Variants in PTPRT observed in about 807,000 individuals in gnomAD.
The protein encoded by PTPRT is receptor-type tyrosine-protein phosphatase T.
PTPRT carries 56 observed loss-of-function variants against 176.8 expected under a neutral mutation model. That is an observed-to-expected ratio of 0.32 (90% confidence interval 0.26 to 0.40). The LOEUF (loss-of-function observed/expected upper bound fraction) is 0.40. Among genes scored for constraint, PTPRT ranks in the 10% least tolerant of loss-of-function variants. PTPRT has a pLI of 1.00. For synonymous variants in PTPRT, 783 were observed against 739.0 expected (o/e 1.06, Z -0.96); for missense variants, 1,540 against 1,908.2 (o/e 0.81, Z 3.60).
intron 27 of PTPRT, among the ~76,000 whole-genome samples, chr20:42,086,749 A>ATATAT (rs59068856): frequency 1.3e-5 from 1 of 75,180 alleles, no homozygotes; most frequent in African/African-American, 6.1e-5. Flanking sequence ...AAAAAAAAAA[A>ATATAT]AAAAATATAT....
chr20:42,639,773 T>G (rs1004585596), intron 7 of PTPRT, among the ~76,000 whole-genome samples: 4 of 152,260 alleles, frequency 2.6e-5, no homozygotes, highest in African/African-American at 9.6e-5. Flanking sequence ...GTATTATAAT[T>G]CAGTGTTTAC....
intron 6 of PTPRT, among the ~76,000 whole-genome samples, chr20:42,690,925 G>A (rs745905761): frequency 6.6e-6 from 1 of 152,116 alleles, no homozygotes; most frequent in Non-Finnish European, 1.5e-5. Flanking sequence ...CTACATAAAC[G>A]TGAGTTATTC....
intron 14 of PTPRT, among the ~76,000 whole-genome samples, chr20:42,237,133 G>A (rs1256440631): frequency 6.6e-6 from 1 of 152,208 alleles, no homozygotes; most frequent in African/African-American, 2.4e-5. Context: ...TATCTCAGCT[G>A]AGACCATTGA....
At chr20:42,849,566 A>C (rs1446844798) in intron 2 of PTPRT, among the ~76,000 whole-genome samples, 1 of 152,104 alleles carries the variant, frequency 6.6e-6, no homozygotes, top group Non-Finnish European at 1.5e-5. Context: ...TTCATTCTCC[A>C]AGATAGGGTG....
chr20:43,165,442 C>T (rs1191787345), intron 1 of PTPRT, among the ~76,000 whole-genome samples: 6 of 152,254 alleles, frequency 3.9e-5, no homozygotes, highest in South Asian at 2.1e-4. Context: ...GGATTACAGG[C>T]GTGAGCCACC....
the PTPRT span, among the ~76,000 whole-genome samples, chr20:42,055,877 A>G: frequency 1.3e-5 from 2 of 152,130 alleles, no homozygotes; most frequent in Admixed American, 6.5e-5. Flanking sequence ...GTAGGAGTGT[A>G]ATTTCTGGGG....
chr20:43,117,983 G>GA (rs895506868), intron 1 of PTPRT, among the ~76,000 whole-genome samples: 18 of 151,822 alleles, frequency 1.2e-4, no homozygotes, highest in African/African-American at 4.1e-4. Flanking sequence ...CTCTTTCATG[G>GA]AAAAAAAATT....
At position 42,936,486 on chromosome 20, in the gene PTPRT, T is replaced by C. The variant is rs533260075; in HGVS notation, c.89-50554A>G. 8.1e-4 allele frequency among the ~76,000 whole-genome samples: 123 copies of C among 152,296 alleles called. 1 individual carries two copies. Among genetic ancestry groups the C allele is most frequent in the Middle Eastern group, 6.8e-3 (2 of 294 alleles). ...GCATTTGTAAGGACTTTGTTTTTTA[T>C]TGCAAATAAGATGGAAAGCTACTGG... On this transcript the variant is annotated intron_variant, in intron 1 of 30. Transcript: ENST00000373187.
chr20:42,416,535 G>C (rs6130127), intron 9 of PTPRT, among the ~76,000 whole-genome samples: 1 of 152,154 alleles, frequency 6.6e-6, no homozygotes, highest in Non-Finnish European at 1.5e-5. Context: ...CTACCTCCAA[G>C]GACCGACTGG....
At chr20:42,698,583 C>T (rs1376248460) in intron 6 of PTPRT, among the ~76,000 whole-genome samples, 2 of 152,282 alleles carry the variant, frequency 1.3e-5, no homozygotes, top group African/African-American at 4.8e-5. Flanking sequence ...TTTTGGAGTT[C>T]CTAATGCTTA....
intron 1 of PTPRT, among the ~76,000 whole-genome samples, chr20:43,167,873 T>C (rs1338460372): frequency 1.3e-5 from 2 of 152,216 alleles, no homozygotes; most frequent in Non-Finnish European, 2.9e-5. Flanking sequence ...GGAGCCTTCA[T>C]ATGAGATCAC....
intron 15 of PTPRT, among the ~76,000 whole-genome samples, chr20:42,231,612 A>G (rs1050157010): frequency 6.6e-6 from 1 of 152,164 alleles, no homozygotes; most frequent in East Asian, 1.9e-4. Flanking sequence ...GACAGGATGA[A>G]TCTTGACTGT....
Position 42,409,950 on chromosome 20 carries a change from A to G in PTPRT, c.1560+38270T>C, listed in dbSNP as rs182819192. ...AAATCATGAAAGTAAGAACAAACAA[A>G]CAACCCAAACCACTTGGAAAAAAAG... is the stretch of plus-strand genomic sequence containing the variant. On this transcript the variant is annotated intron_variant, in intron 9 of 30. Transcript: ENST00000373187. Among the ~76,000 whole-genome samples the G allele has an allele frequency of 4.3e-3, 649 of 152,294 alleles. 4 individuals are homozygous for G. Among genetic ancestry groups the G allele is most frequent in the Non-Finnish European group, 6.4e-3 (434 of 68,024 alleles).
rs192613389 is a variant in PTPRT, at chr20:42,607,843, G to A, written c.1153+70023C>T. On this transcript the variant is annotated intron_variant, in intron 7 of 30. Coordinates refer to ENST00000373187, the MANE Select transcript of PTPRT (RefSeq NM_007050.6). ...GGGTCTTCTTCATTATCATGGGCCC[G>A]GGGAATCTGAGAGGGTCTCACAGTG... 2.1e-3 allele frequency among the ~76,000 whole-genome samples: 320 copies of A among 152,166 alleles called. 2 individuals are homozygous for A. The highest frequency in any genetic ancestry group is 7.1e-3 in the African/African-American group (296 of 41,522).
chr20:42,248,760 T>C lies in PTPRT; in HGVS notation c.2239A>G (p.Met747Val), dbSNP rs1175773117. 1 of 1,614,052 alleles carries C rather than the reference T, an allele frequency of 6.2e-7. No homozygotes were observed. Among genetic ancestry groups the C allele is most frequent in the Non-Finnish European group, 8.5e-7 (1 of 1,179,970 alleles). The change falls in exon 14 of 31, where the codon ATG becomes GTG. Residue 747 changes from methionine to valine, a missense_variant. By Grantham distance (21) the Met-to-Val change is conservative (BLOSUM62 1). Coordinates refer to ENST00000373187, the MANE Select transcript of PTPRT (RefSeq NM_007050.6). The part of the protein sequence containing the change: ...PEKQVDNTVK[M>V]AGVIAGLLMF... The stretch of plus-strand genomic sequence containing the variant: ...AGGAGGCCAGCGATCACGCCAGCCA[T>C]CTTCACGGTGTTGTCCACCTGCTTC...
intron 9 of PTPRT, among the ~76,000 whole-genome samples, chr20:42,394,097 A>C (rs572682297): frequency 2.0e-5 from 3 of 151,912 alleles, no homozygotes; most frequent in African/African-American, 7.2e-5. Context: ...AAAAATGGTG[A>C]AAATGTGTAT....
chr20:42,648,820 G>GTTGTTTTTT (rs1310734163), intron 7 of PTPRT, among the ~76,000 whole-genome samples: 4 of 111,832 alleles, frequency 3.6e-5, no homozygotes, highest in African/African-American at 1.5e-4. Context: ...TGGTGTCGTT[G>GTTGTTTTTT]TTTTTTTTTT....
chr20:42,736,460 A>G (rs1268966108), intron 6 of PTPRT, among the ~76,000 whole-genome samples: 1 of 152,270 alleles, frequency 6.6e-6, no homozygotes, highest in African/African-American at 2.4e-5. Context: ...ACAAATGTCC[A>G]CTGAGGGCCC....
chr20:42,445,290 A>T (rs546382373), intron 9 of PTPRT, among the ~76,000 whole-genome samples: 4 of 152,186 alleles, frequency 2.6e-5, no homozygotes, highest in Non-Finnish European at 5.9e-5. Flanking sequence ...GTTATTTCTA[A>T]ATGCCAAACA....
Sources: allele counts gnomAD v4.1 joint callset (sites outside exome capture counted in the v4.1 genomes callset), GRCh38; gene constraint gnomAD v4.1.1; transcripts MANE v1.5; gene names NCBI Gene and HGNC (gene_info 2026-07-23, HGNC 2026-07-21).